The following SUFU variants were observed in gnomAD, a reference collection of about 807,000 sequenced individuals.
SUFU encodes suppressor of fused homolog.
In SUFU, 7 loss-of-function variants were observed where a neutral mutation model predicts 58.9. That is an observed-to-expected ratio of 0.12 (90% CI 0.07 to 0.22). The LOEUF is 0.22. SUFU is among the 10% of genes least tolerant of loss of function. The pLI, the probability that SUFU is intolerant of heterozygous loss-of-function variation, is 1.00. For synonymous variants in SUFU, 232 were observed against 254.8 expected, an observed-to-expected ratio of 0.91 and a Z score of 0.85; for missense variants, 451 against 641.3, an observed-to-expected ratio of 0.70 and a Z score of 3.20.
In SUFU at chr10:102,628,214, C is replaced by T. The variant is rs576504897; in HGVS notation, c.1365+971C>T. Among the ~76,000 whole-genome samples the T allele has an allele frequency of 6.6e-6, 1 of 152,136 alleles. No individual in the cohort carries two copies. Among genetic ancestry groups the T allele is most frequent in the Non-Finnish European group, 1.5e-5 (1 of 67,994 alleles). On this transcript the variant is annotated intron_variant, in intron 11 of 11. Transcript: ENST00000369902. The surrounding 1 kb of genome is among the most constrained non-coding windows in gnomAD (Gnocchi z 4.5). ...CTTCCAGCTTCCAGGGCTCCCTGGG[C>T]TGCAACAGCCAGGACACAGGCCTCT... is the stretch of plus-strand genomic sequence containing the variant.
chr10:102,512,392 T>C (rs1413335653), intron 2 of SUFU, among the ~76,000 whole-genome samples: 1 of 152,230 alleles, frequency 6.6e-6, no homozygotes, highest in East Asian at 1.9e-4. Flanking sequence ...TTTATTCTGG[T>C]TAAAAGAATA....
rs1564685654 is a variant in SUFU at position 102,568,921 on chromosome 10, CACATATATATATATATATA to C, written c.454+18816_454+18834del. On this transcript the variant is annotated intron_variant, in intron 3 of 11. Coordinates refer to ENST00000369902, the MANE Select transcript of SUFU (RefSeq NM_016169.4). Reference sequence around the variant, plus strand: ...AAATATATATATATATATATATATACACATATATATATATATATATATATATATATATATATATATATCT... The same window carrying C: ...AAATATATATATATATATATATATACTATATATATATATATATATATATCT... 5.4e-3 allele frequency among the ~76,000 whole-genome samples: 52 copies of C among 9,544 alleles called. 7 individuals are homozygous for C. Among genetic ancestry groups the C allele is most frequent in the South Asian group, 0.019 (4 of 214 alleles). 6.3% of individuals were successfully genotyped at this position (9,544 alleles called of 152,430 possible). A position where few individuals can be genotyped will look rare whatever the true frequency, so the allele number is the denominator to read the frequency against.
intron 2 of SUFU, among the ~76,000 whole-genome samples, chr10:102,536,217 G>A (rs1044818848): frequency 6.6e-6 from 1 of 151,792 alleles, no homozygotes; most frequent in Admixed American, 6.6e-5. Context: ...CACCTGCCTC[G>A]GCCTCCCAAA....
At chr10:102,583,146 C>T (rs1462951780) in intron 3 of SUFU, among the ~76,000 whole-genome samples, 2 of 152,152 alleles carry the variant, frequency 1.3e-5, no homozygotes, top group African/African-American at 2.4e-5. Flanking sequence ...AAGACCAGAC[C>T]GGACTCAAGA....
At chr10:102,508,676 T>C (rs966185527) in intron 1 of SUFU, among the ~76,000 whole-genome samples, 7 of 152,170 alleles carry the variant, frequency 4.6e-5, no homozygotes, top group African/African-American at 1.7e-4. Flanking sequence ...TAGGGCACAA[T>C]ATAGTCTTTC....
Position 102,629,099 on chromosome 10 carries a change from T to G in SUFU, c.1366-967T>G, listed in dbSNP as rs1258338277. ...TGAACCCGGGAAGCAAAAGTTGCAG[T>G]GAGCCGAGATCGCGCCATTGCACTC... On this transcript the variant is annotated intron_variant, in intron 11 of 11. Transcript: ENST00000369902. This position sits in a 1 kb window ranked among gnomAD's most constrained non-coding sequence, Gnocchi z 4.7. Among the ~76,000 whole-genome samples, 1 of 152,006 alleles carries G rather than the reference T, an allele frequency of 6.6e-6. No individual in the cohort carries two copies. Among genetic ancestry groups the G allele is most frequent in the South Asian group, 2.1e-4 (1 of 4,816 alleles).
Position 102,619,272 on chromosome 10 carries a change from G to A in SUFU, c.1296+1844G>A. On this transcript the variant is annotated intron_variant, in intron 10 of 11. Coordinates refer to ENST00000369902, the MANE Select transcript of SUFU (RefSeq NM_016169.4). The surrounding 1 kb of genome is among the most constrained non-coding windows in gnomAD (Gnocchi z 4.2). ...AGCCCCTGACCCCCTAGCTGCCGGG[G>A]TTCCCACTCCCAGTGCCACAACCCC... is the stretch of plus-strand genomic sequence containing the variant. The A allele has an allele frequency of 6.9e-7, 1 of 1,455,608 alleles. No homozygotes were observed. The highest frequency in any genetic ancestry group is 9.0e-7 in the Non-Finnish European group (1 of 1,105,262). The allele number at this position is 1,455,608 out of a possible 1,614,324, so 90.2% of individuals were successfully genotyped here. A position where few individuals can be genotyped will look rare whatever the true frequency, so the allele number is the denominator to read the frequency against.
At chr10:102,609,588 C>T (rs1468823930) in intron 8 of SUFU, among the ~76,000 whole-genome samples, 1 of 152,188 alleles carries the variant, frequency 6.6e-6, no homozygotes. Context: ...GACAGAGTAA[C>T]ATTTATCAGT....
chr10:102,609,246 A>T (rs917959096), intron 8 of SUFU, among the ~76,000 whole-genome samples: 1 of 151,600 alleles, frequency 6.6e-6, no homozygotes, highest in Non-Finnish European at 1.5e-5. Context: ...TACACAAAGG[A>T]TTAGCATGGG....
chr10:102,614,060 G>A (rs187089156), intron 8 of SUFU, among the ~76,000 whole-genome samples: 47 of 152,340 alleles, frequency 3.1e-4, no homozygotes, highest in African/African-American at 1.1e-3. Context: ...TAGATGAAGG[G>A]TGTGAATGTC....
intron 3 of SUFU, among the ~76,000 whole-genome samples, chr10:102,584,141 A>G (rs919012263): frequency 3.3e-5 from 5 of 152,206 alleles, no homozygotes; most frequent in African/African-American, 9.6e-5. Context: ...TTTCCTGTTA[A>G]CAGGCTTAGA....
In SUFU at chr10:102,617,363, A is replaced by G; in HGVS notation, c.1231A>G (p.Thr411Ala). 1 of 1,614,222 alleles carries G rather than the reference A, an allele frequency of 6.2e-7. No individual in the cohort carries two copies. The highest frequency in any genetic ancestry group is 2.2e-5 in the East Asian group (1 of 44,872). ...TGACATGGCCATCACGTTTGTCTCC[A>G]CGGGAGTGGAAGGCGCCTTTGCCAC... ...TGDMAITFVSTGVEGAFATEE... is the reference protein window; with the variant it reads ...TGDMAITFVSAGVEGAFATEE... The change falls in exon 10 of 12, where the codon ACG (threonine) becomes GCG (alanine). Residue 411 changes from threonine to alanine, a missense_variant. By Grantham distance (58) the Thr-to-Ala change is moderately conservative. Transcript: ENST00000369902. The surrounding 1 kb of genome is among the most constrained non-coding windows in gnomAD (Gnocchi z 4.4).
chr10:102,584,524 T>C (rs868590442), intron 3 of SUFU, among the ~76,000 whole-genome samples: 8 of 152,324 alleles, frequency 5.3e-5, no homozygotes, highest in Middle Eastern at 6.8e-3. Context: ...CTCAGCTCTA[T>C]ATGACTCTTT....
At chr10:102,532,452 T>A (rs1257962310) in intron 2 of SUFU, among the ~76,000 whole-genome samples, 3 of 152,240 alleles carry the variant, frequency 2.0e-5, no homozygotes, top group Admixed American at 1.3e-4. Flanking sequence ...ATAGCTCATC[T>A]GAGTGCTATG....
intron 3 of SUFU, among the ~76,000 whole-genome samples, chr10:102,586,397 G>C (rs2135847259): frequency 6.6e-6 from 1 of 152,012 alleles, no homozygotes; most frequent in South Asian, 2.1e-4. Flanking sequence ...ATTAAGCCTG[G>C]GCACGGTGGC....
intron 10 of SUFU, among the ~76,000 whole-genome samples, chr10:102,623,634 G>A (rs1457311777): frequency 2.6e-5 from 4 of 152,320 alleles, no homozygotes; most frequent in Non-Finnish European, 4.4e-5. Flanking sequence ...TCAGATAGCC[G>A]TTCCTCTAAA....
intron 2 of SUFU, among the ~76,000 whole-genome samples, chr10:102,517,289 AAAAAC>A (rs551843808): frequency 2.4e-4 from 36 of 152,254 alleles, no homozygotes; most frequent in Admixed American, 1.5e-3. Context: ...CTCTGTCCAA[AAAAAC>A]AAAACAAAGC....
At chr10:102,561,937 G>A (rs2063041745) in intron 3 of SUFU, among the ~76,000 whole-genome samples, 3 of 152,112 alleles carry the variant, frequency 2.0e-5, no homozygotes, top group Non-Finnish European at 4.4e-5. Flanking sequence ...CCAAAGTGGA[G>A]GGATTATAGG....
At chr10:102,562,844 T>C (rs2063052563) in intron 3 of SUFU, among the ~76,000 whole-genome samples, 1 of 152,184 alleles carries the variant, frequency 6.6e-6, no homozygotes, top group African/African-American at 2.4e-5. Flanking sequence ...TGAGCTGAGA[T>C]CGTGCCATTG....
Sources: allele counts gnomAD v4.1 joint callset (sites outside exome capture counted in the v4.1 genomes callset), GRCh38; gene constraint gnomAD v4.1.1; non-coding constraint Gnocchi (gnomAD v3.1); transcripts MANE v1.5; gene names NCBI Gene and HGNC (gene_info 2026-07-23, HGNC 2026-07-21).